PALLD: variants seen among roughly 807,000 people sequenced by gnomAD.
PALLD encodes palladin.
Under a neutral mutation model 123.5 loss-of-function variants are expected in PALLD, and 61 were observed. That is an observed-to-expected ratio of 0.49 (90% CI 0.40 to 0.61). The LOEUF (loss-of-function observed/expected upper bound fraction) is 0.61, where lower values mean the gene tolerates loss of function less well. PALLD is among the 20% of genes least tolerant of loss of function. The probability of loss-of-function intolerance (pLI) is 0.00; values close to 1 mark genes in which losing one functional copy is unlikely to be tolerated. For missense variants in PALLD, 1,273 were observed against 1,377.0 expected (o/e 0.92, Z 1.20); for synonymous variants, 465 against 496.4 (o/e 0.94, Z 0.84).
chr4:168,847,503 A>G (rs929975096), intron 10 of PALLD, among the ~76,000 whole-genome samples: 2 of 152,224 alleles, frequency 1.3e-5, no homozygotes, highest in Non-Finnish European at 2.9e-5. Flanking sequence ...ATGTAAACAT[A>G]TGGGTGTTGT....
rs547287993 is a variant in PALLD, at chr4:168,634,644, T to C, written c.909-33546T>C. Among the ~76,000 whole-genome samples, 191 of 152,324 alleles carry C rather than the reference T, an allele frequency of 1.3e-3. 1 individual carries two copies. The highest frequency in any genetic ancestry group is 2.1e-3 in the Admixed American group (32 of 15,310). On this transcript the variant is annotated intron_variant, in intron 2 of 21. Coordinates refer to ENST00000505667, the MANE Select transcript of PALLD (RefSeq NM_001166108.2). ...CACTTGGTAGCGACTCCCCGTCTAC[T>C]CCAGCACATTCCATCGCCTGGAGAC...
At chr4:168,795,675 T>G (rs184218768) in intron 10 of PALLD, among the ~76,000 whole-genome samples, 1 of 151,980 alleles carries the variant, frequency 6.6e-6, no homozygotes, top group Admixed American at 6.6e-5. Flanking sequence ...AATTGGGAGC[T>G]AATCATGAAC....
chr4:168,766,230 T>C (rs909076458), intron 10 of PALLD, among the ~76,000 whole-genome samples: 1 of 152,230 alleles, frequency 6.6e-6, no homozygotes, highest in Admixed American at 6.5e-5. Flanking sequence ...TTCCACCTTT[T>C]TTGTATGCCT....
intron 9 of PALLD, among the ~76,000 whole-genome samples, chr4:168,709,474 C>T (rs1347807102): frequency 6.2e-5 from 9 of 145,500 alleles, no homozygotes; most frequent in South Asian, 2.3e-4. Context: ...CATCCCACTG[C>T]ACTCCAGCCT....
intron 2 of PALLD, among the ~76,000 whole-genome samples, chr4:168,664,824 A>T (rs1779475864): frequency 6.6e-6 from 1 of 152,046 alleles, no homozygotes; most frequent in South Asian, 2.1e-4. Context: ...CTCCCTAAAA[A>T]CAAAAAGGGC....
rs182567903 is a variant in PALLD at position 168,926,604 on chromosome 4, G to A, written c.*424G>A. 3.7e-5 allele frequency: 17 copies of A among 453,810 alleles called. No homozygotes were observed. In the South Asian group the frequency reaches 5.2e-4, roughly 14 times the overall value. 28.1% of individuals were successfully genotyped at this position (453,810 alleles called of 1,614,324 possible). Reference sequence around the variant, plus strand: ...ATTGCACAGAAAATACACATTTACTGTCCAATTTAAAACTTTGGAATTGCT... The same window carrying A: ...ATTGCACAGAAAATACACATTTACTATCCAATTTAAAACTTTGGAATTGCT... On this transcript the variant is annotated 3_prime_UTR_variant, in exon 22 of 22. Coordinates refer to ENST00000505667, the MANE Select transcript of PALLD (RefSeq NM_001166108.2).
At position 168,592,285 on chromosome 4, in the gene PALLD, A is replaced by G. The variant is rs541150581; in HGVS notation, c.909-75905A>G. On this transcript the variant is annotated intron_variant, in intron 2 of 21. Transcript: ENST00000505667. Reference sequence around the variant, plus strand: ...ATGATCCGCCTGCCTCAGCCTCCCAAAGTGCTGGGATTCCAGGTGTGAGCC... The same window carrying G: ...ATGATCCGCCTGCCTCAGCCTCCCAGAGTGCTGGGATTCCAGGTGTGAGCC... 1.8e-4 allele frequency among the ~76,000 whole-genome samples: 28 copies of G among 152,114 alleles called. No homozygotes were observed. In the East Asian group the frequency reaches 5.2e-3, roughly 28 times the overall value.
intron 10 of PALLD, among the ~76,000 whole-genome samples, chr4:168,755,555 C>T (rs758853422): frequency 3.3e-5 from 5 of 152,066 alleles, no homozygotes; most frequent in African/African-American, 7.2e-5. Flanking sequence ...AACTTGCAAG[C>T]CCGGGTAAGG....
intron 2 of PALLD, among the ~76,000 whole-genome samples, chr4:168,611,198 A>T (rs1428403928): frequency 6.6e-6 from 1 of 152,152 alleles, no homozygotes; most frequent in Admixed American, 6.5e-5. Context: ...AGCCTGCGCC[A>T]TACTCTGCCA....
intron 2 of PALLD, among the ~76,000 whole-genome samples, chr4:168,527,175 C>A (rs1252425602): frequency 6.6e-6 from 1 of 152,128 alleles, no homozygotes; most frequent in Non-Finnish European, 1.5e-5. Context: ...GTGCTCCCAG[C>A]ACGTTGGGAG....
At chr4:168,784,553 T>C (rs1218397334) in intron 10 of PALLD, among the ~76,000 whole-genome samples, 1 of 152,100 alleles carries the variant, frequency 6.6e-6, no homozygotes, top group African/African-American at 2.4e-5. Context: ...AGATGGACAC[T>C]TGGGAACCAT....
intron 15 of PALLD, among the ~76,000 whole-genome samples, chr4:168,907,486 C>T (rs1758045914): frequency 6.6e-6 from 1 of 152,190 alleles, no homozygotes; most frequent in Non-Finnish European, 1.5e-5. Context: ...ACAACTGCCA[C>T]AGCTGTGGGC....
At chr4:168,641,300 A>G (rs1776925840) in intron 2 of PALLD, among the ~76,000 whole-genome samples, 2 of 152,080 alleles carry the variant, frequency 1.3e-5, no homozygotes, top group Admixed American at 6.5e-5. Context: ...CTGCGTTTTA[A>G]TAAGCACCGT....
chr4:168,726,469 G>C (rs1786595123), intron 10 of PALLD, among the ~76,000 whole-genome samples: 1 of 152,038 alleles, frequency 6.6e-6, no homozygotes, highest in African/African-American at 2.4e-5. Context: ...TTAAGGTGTT[G>C]TACACCTTGT....
chr4:168,774,050 A>G (rs902192928), intron 10 of PALLD, among the ~76,000 whole-genome samples: 1 of 151,002 alleles, frequency 6.6e-6, no homozygotes, highest in Non-Finnish European at 1.5e-5. Context: ...CCCTCCTCTC[A>G]AGCCACTGTT....
chr4:168,726,549 A>AT (rs1262917529), intron 10 of PALLD, among the ~76,000 whole-genome samples: 1 of 151,182 alleles, frequency 6.6e-6, no homozygotes, highest in Non-Finnish European at 1.5e-5. Context: ...TGCCTGGCTA[A>AT]TTTTTTTCTT....
intron 17 of PALLD, among the ~76,000 whole-genome samples, chr4:168,918,325 GAT>G (rs71588177): frequency 7.4e-5 from 11 of 149,456 alleles, no homozygotes; most frequent in Non-Finnish European, 1.6e-4. Context: ...GAAAATATGA[GAT>G]ATATATATAT....
intron 8 of PALLD, among the ~76,000 whole-genome samples, chr4:168,704,018 T>C (rs6835501): frequency 1 from 152,149 of 152,236 alleles, 76,031 homozygotes; most frequent in Middle Eastern, 1. Flanking sequence ...CAGCATGGTA[T>C]TGGTACCAAA....
intron 2 of PALLD, among the ~76,000 whole-genome samples, chr4:168,605,860 C>T (rs4356881): frequency 0.27 from 41,795 of 152,100 alleles, 5,838 homozygotes; most frequent in East Asian, 0.33. Context: ...GAATTCACTG[C>T]TTGTATTTTG....
Sources: gnomAD v4.1 joint callset for allele counts (sites outside exome capture counted in the v4.1 genomes callset) on GRCh38, gnomAD v4.1.1 for gene constraint, MANE v1.5 for transcripts, NCBI Gene and HGNC (gene_info 2026-07-23, HGNC 2026-07-21) for gene names.